The following MTMR7 variants were observed in gnomAD, a reference collection of about 807,000 sequenced individuals.
MTMR7 encodes phosphatidylinositol-3-phosphate phosphatase MTMR7.
In MTMR7, 76 loss-of-function variants were observed where a neutral mutation model predicts 81.2. The ratio of observed to expected loss-of-function variants is 0.94; its 90% confidence interval spans 0.78 to 1.13. MTMR7 has a LOEUF of 1.13. MTMR7 is among the 50% of genes most tolerant of loss of function. MTMR7 has a pLI of 0.00. For missense variants in MTMR7, 1,044 were observed against 820.0 expected (o/e 1.27, Z -3.34); for synonymous variants, 372 against 289.8 (o/e 1.28, Z -2.88).
At chr8:17,302,063 G>A in intron 13 of MTMR7, 91 bp downstream of exon 13, 3 of 1,519,640 alleles carry the variant, frequency 2.0e-6, no homozygotes, top group South Asian at 1.2e-5. Context: ...TGAAATATTT[G>A]TATTGCACTG....
Position 17,313,282 on chromosome 8 carries a change from A to G in MTMR7, c.975+10T>C, listed in dbSNP as rs778190193. 1.9e-6 allele frequency: 3 copies of G among 1,587,490 alleles called. No individual in the cohort carries two copies. In the Admixed American group the frequency reaches 5.1e-5, roughly 27 times the overall value. On this transcript the variant is annotated intron_variant, in intron 8 of 13. Transcript: ENST00000180173. ...CTGTCCCTTAATTTATTTTCTCTGC[A>G]ATTGCATACCTTTGCAATGAAGATT...
chr8:17,320,094 C>T (rs756603), intron 7 of MTMR7, among the ~76,000 whole-genome samples: 64,299 of 151,632 alleles, frequency 0.42, 15,654 homozygotes, highest in East Asian at 0.78. Flanking sequence ...TTGGGATAGA[C>T]GGGGTTAAAT....
chr8:17,344,772 A>G (rs980343153), intron 5 of MTMR7, among the ~76,000 whole-genome samples: 3 of 152,116 alleles, frequency 2.0e-5, no homozygotes, highest in African/African-American at 7.2e-5. Flanking sequence ...GGGGCATAAC[A>G]CTGTAAAACT....
At position 17,360,891 on chromosome 8, in the gene MTMR7, G is replaced by A. The variant is rs1029407701; in HGVS notation, c.468+226C>T. The stretch of plus-strand genomic sequence containing the variant: ...TCTCTGGGTTTCAAGTTCTGCAACC[G>A]TGAGATGAAGGGTCTGGAAGGGGTG... On this transcript the variant is annotated intron_variant, in intron 4 of 13. Coordinates refer to ENST00000180173, the MANE Select transcript of MTMR7 (RefSeq NM_004686.5). Among the ~76,000 whole-genome samples, 5 of 152,158 alleles carry A rather than the reference G, an allele frequency of 3.3e-5. No homozygotes were observed. In the East Asian group the frequency reaches 5.8e-4, roughly 18 times the overall value.
In MTMR7 at chr8:17,298,429, A is replaced by C. The variant is rs1816882703; in HGVS notation, c.*1433T>G. 6.6e-6 allele frequency: 1 copy of C among 152,356 alleles called. No individual in the cohort carries two copies. The highest frequency in any genetic ancestry group is 2.1e-4 in the South Asian group (1 of 4,824). The allele number at this position is 152,356 out of a possible 1,614,324, so 9.4% of individuals were successfully genotyped here. A position where few individuals can be genotyped will look rare whatever the true frequency, so the allele number is the denominator to read the frequency against. ...TTTTAAATATGATGAACACAATTAA[A>C]TGTTTTCATTTATATATATTGCAAC... On this transcript the variant is annotated 3_prime_UTR_variant, in exon 14 of 14. Transcript: ENST00000180173.
At chr8:17,351,957 C>G (rs1200915271) in intron 4 of MTMR7, among the ~76,000 whole-genome samples, 1 of 152,134 alleles carries the variant, frequency 6.6e-6, no homozygotes, top group Non-Finnish European at 1.5e-5. Context: ...ATTAAAGACA[C>G]AAGTAAATGG....
chr8:17,400,633 T>G (rs1300029053), intron 1 of MTMR7, among the ~76,000 whole-genome samples: 1 of 152,202 alleles, frequency 6.6e-6, no homozygotes, highest in Non-Finnish European at 1.5e-5. Flanking sequence ...ACCTCAGTAC[T>G]GTTTTGATTT....
intron 3 of MTMR7, among the ~76,000 whole-genome samples, chr8:17,370,639 G>A (rs1176280033): frequency 1.4e-5 from 2 of 146,540 alleles, no homozygotes; most frequent in Non-Finnish European, 3.0e-5. Context: ...TCAAGAGGGA[G>A]AAAACTGCGC....
In MTMR7 at chr8:17,350,593, A is replaced by G. The variant is rs75298506; in HGVS notation, c.469-1512T>C. Among the ~76,000 whole-genome samples the G allele has an allele frequency of 0.026, 3,974 of 152,252 alleles. 454 individuals carry two copies. In the East Asian group the frequency reaches 0.31, roughly 12 times the overall value. ...TCTAAGATGAGATTTGGGTGGGGAC[A>G]CAGAAACCCACATCAAGGGGAAATA... On this transcript the variant is annotated intron_variant, in intron 4 of 13. Transcript: ENST00000180173.
At chr8:17,339,811 A>G (rs1819353541) in intron 6 of MTMR7, among the ~76,000 whole-genome samples, 1 of 152,240 alleles carries the variant, frequency 6.6e-6, no homozygotes, top group African/African-American at 2.4e-5. Context: ...AACTAAATTT[A>G]AAGTCCTTAT....
intron 1 of MTMR7, among the ~76,000 whole-genome samples, chr8:17,398,820 G>A (rs954143753): frequency 1.3e-5 from 2 of 151,686 alleles, no homozygotes; most frequent in Admixed American, 6.6e-5. Context: ...TAAAAAGAAG[G>A]GGATATGAAG....
At chr8:17,411,666 G>C (rs942284432) in intron 1 of MTMR7, among the ~76,000 whole-genome samples, 3 of 152,068 alleles carry the variant, frequency 2.0e-5, no homozygotes, top group Non-Finnish European at 2.9e-5. Context: ...AGATAAATAA[G>C]GATTTCTGAC....
intron 8 of MTMR7, 101 bp downstream of exon 8, chr8:17,313,191 G>C: frequency 2.5e-6 from 2 of 802,084 alleles, no homozygotes; most frequent in East Asian, 2.5e-5. Flanking sequence ...AGTCAGTGCA[G>C]TGCAGCTTAA....
chr8:17,358,988 G>T (rs1425751877), intron 4 of MTMR7, among the ~76,000 whole-genome samples: 1 of 152,116 alleles, frequency 6.6e-6, no homozygotes, highest in Admixed American at 6.5e-5. Flanking sequence ...CAACCTCGCA[G>T]GCTCAAGCAA....
rs1263056335 is a variant in MTMR7, at chr8:17,297,694, C to CTGAT, written c.*2164_*2167dup. On this transcript the variant is annotated 3_prime_UTR_variant, in exon 14 of 14. Transcript: ENST00000180173. ...ACCACTGCTCTCAATAAAACACTTC[C>CTGAT]TGATTAATGTTTGATTATTAGATAT... The CTGAT allele has an allele frequency of 2.6e-5, 4 of 152,096 alleles. No individual in the cohort carries two copies. The highest frequency in any genetic ancestry group is 2.6e-4 in the Admixed American group (4 of 15,294). 9.4% of individuals were successfully genotyped at this position (152,096 alleles called of 1,614,324 possible). A position where few individuals can be genotyped will look rare whatever the true frequency, so the allele number is the denominator to read the frequency against.
chr8:17,359,961 A>G (rs1244632155), intron 4 of MTMR7, among the ~76,000 whole-genome samples: 1 of 152,194 alleles, frequency 6.6e-6, no homozygotes, highest in African/African-American at 2.4e-5. Context: ...ATCTTTTAAA[A>G]AAATTAAAAT....
chr8:17,412,977 G>C (rs1821776326), intron 1 of MTMR7, among the ~76,000 whole-genome samples: 1 of 152,228 alleles, frequency 6.6e-6, no homozygotes, highest in African/African-American at 2.4e-5. Context: ...TCTACACCCA[G>C]TTACTAGCAG....
At chr8:17,376,251 T>A (rs546035511) in intron 1 of MTMR7, among the ~76,000 whole-genome samples, 1 of 152,342 alleles carries the variant, frequency 6.6e-6, no homozygotes, top group Admixed American at 6.5e-5. Context: ...AGTTCATCTA[T>A]TCATAGAATG....
intron 10 of MTMR7, among the ~76,000 whole-genome samples, chr8:17,307,111 A>T (rs542273402): frequency 1.3e-5 from 2 of 152,156 alleles, no homozygotes; most frequent in African/African-American, 4.8e-5. Context: ...CAACCTACAA[A>T]ATGGGAGAAA....
Sources: allele counts gnomAD v4.1 joint callset (sites outside exome capture counted in the v4.1 genomes callset), GRCh38; gene constraint gnomAD v4.1.1; transcripts MANE v1.5; gene names NCBI Gene and HGNC (gene_info 2026-07-23, HGNC 2026-07-21).